ENOSF1: variants seen among roughly 807,000 people sequenced by gnomAD.
ENOSF1 encodes enolase superfamily member 1, also known as mitochondrial enolase superfamily member 1.
Under a neutral mutation model 68.2 loss-of-function variants are expected in ENOSF1, and 73 were observed. The observed-to-expected ratio is 1.07, with a 90% CI of 0.89 to 1.30. The LOEUF is 1.30. Ranked by LOEUF, ENOSF1 falls within the 50% of genes most tolerant of loss-of-function variation. The pLI is 0.00. For synonymous variants in ENOSF1, 223 were observed against 210.4 expected, an observed-to-expected ratio of 1.06 and a Z score of -0.52; for missense variants, 589 against 554.5, an observed-to-expected ratio of 1.06 and a Z score of -0.62.
chr18:665,898 G>A (rs1258361680), downstream of ENOSF1, among the ~76,000 whole-genome samples: 1 of 97,894 alleles, frequency 1.0e-5, no homozygotes, highest in Admixed American at 8.6e-5. Context: ...TATAATTTCT[G>A]TTCTTTTACA....
intron 7 of ENOSF1, 35 bp downstream of exon 7, chr18:691,033 G>A (rs2077103212): frequency 6.2e-7 from 1 of 1,611,834 alleles, no homozygotes; most frequent in East Asian, 2.2e-5. Flanking sequence ...GACAATGTTA[G>A]CAAAAACAAT....
intron 12 of ENOSF1, 92 bp from the exon 13 acceptor site, chr18:677,964 A>T: frequency 6.9e-7 from 1 of 1,440,396 alleles, no homozygotes; most frequent in Non-Finnish European, 9.3e-7. Context: ...CTATGCCAAT[A>T]ATTATTCATC....
downstream of ENOSF1, among the ~76,000 whole-genome samples, chr18:667,251 T>A (rs207950): frequency 5.7e-4 from 12 of 20,998 alleles, no homozygotes; most frequent in African/African-American, 7.4e-4. Context: ...ATGGTGATGG[T>A]GATGGTGATG....
intron 1 of ENOSF1, among the ~76,000 whole-genome samples, chr18:708,795 G>C (rs1257131594): frequency 1.3e-5 from 2 of 152,158 alleles, no homozygotes; most frequent in Non-Finnish European, 2.9e-5. Flanking sequence ...GGTCAGAAGA[G>C]GGAGAGACTG....
chr18:688,748 A>G, intron 8 of ENOSF1, 140 bp from the exon 9 acceptor site: 1 of 709,298 alleles, frequency 1.4e-6, no homozygotes, highest in Non-Finnish European at 2.4e-6. Context: ...TGAAATTAAC[A>G]GCAGAAACAG....
intron 1 of ENOSF1, among the ~76,000 whole-genome samples, chr18:708,912 C>G (rs1025722532): frequency 6.6e-6 from 1 of 152,138 alleles, no homozygotes; most frequent in Non-Finnish European, 1.5e-5. Flanking sequence ...AAAGACCCAT[C>G]GGCAGTTTCT....
intron 1 of ENOSF1, among the ~76,000 whole-genome samples, chr18:709,821 T>C (rs1252001035): frequency 2.0e-5 from 3 of 152,236 alleles, no homozygotes; most frequent in East Asian, 1.9e-4. Context: ...TTTATTGCTC[T>C]TTCTTGAAAA....
At chr18:684,903 C>CAT (rs989341662) in intron 10 of ENOSF1, among the ~76,000 whole-genome samples, 6 of 152,004 alleles carry the variant, frequency 3.9e-5, no homozygotes, top group Non-Finnish European at 8.8e-5. Context: ...CTCTGTTGCC[C>CAT]ATGCTGGAGT....
chr18:674,436 TAAC>T (rs779562662), intron 15 of ENOSF1, 30 bp from the exon 16 acceptor site: 19 of 1,444,212 alleles, frequency 1.3e-5, no homozygotes, highest in South Asian at 4.8e-5. Flanking sequence ...TGAGTCCTGT[TAAC>T]AACCACCTGG....
rs1048937895 is a variant in ENOSF1 at position 688,567 on chromosome 18, C to A, written c.653+7G>T. The A allele has an allele frequency of 2.5e-6, 4 of 1,614,092 alleles. No individual in the cohort carries two copies. The African/African-American group carries it at 5.3e-5, about 22-fold the overall frequency. On this transcript the variant is annotated splice_region_variant and intron_variant, in intron 9 of 15. Coordinates refer to ENST00000647584, the MANE Select transcript of ENOSF1 (RefSeq NM_017512.7). ...ACTGGGAAAGTCAGGTCCATCATCA[C>A]ACTCACCTGGTCCAGCCATCCTTCA... is the stretch of plus-strand genomic sequence containing the variant.
intron 10 of ENOSF1, among the ~76,000 whole-genome samples, chr18:683,732 G>A (rs547231640): frequency 8.2e-4 from 125 of 152,166 alleles, no homozygotes; most frequent in African/African-American, 2.8e-3. Context: ...TGCAGTGTTG[G>A]TTCTGTTCGT....
intron 3 of ENOSF1, among the ~76,000 whole-genome samples, chr18:695,407 C>T (rs767916675): frequency 6.6e-5 from 10 of 152,020 alleles, no homozygotes; most frequent in Non-Finnish European, 8.8e-5. Context: ...GTGAAGTTAC[C>T]ATTTCATTTT....
downstream of ENOSF1, among the ~76,000 whole-genome samples, chr18:667,185 T>A (rs207949): frequency 2.3e-3 from 143 of 62,550 alleles, 2 homozygotes; most frequent in Non-Finnish European, 2.9e-3. Context: ...ATGGTGATGG[T>A]GATGGAGATG....
intron 1 of ENOSF1, among the ~76,000 whole-genome samples, chr18:709,485 A>C (rs1402569564): frequency 6.6e-6 from 1 of 152,168 alleles, no homozygotes; most frequent in Non-Finnish European, 1.5e-5. Flanking sequence ...ATTAAGAAGG[A>C]GGTAAGCCCG....
At chr18:696,204 C>CTCT (rs774712564) in intron 3 of ENOSF1, among the ~76,000 whole-genome samples, 3 of 118,706 alleles carry the variant, frequency 2.5e-5, no homozygotes, top group African/African-American at 6.7e-5. Context: ...ACATCTCTCT[C>CTCT]TTTTTTTTTT....
rs976225737 is a variant in ENOSF1 at position 683,031 on chromosome 18, A to C, written c.876+215T>G. 37 of 552,340 alleles carry C rather than the reference A, an allele frequency of 6.7e-5. No homozygotes were observed. The Admixed American group carries it at 9.8e-4, about 15-fold the overall frequency. The allele number at this position is 552,340 out of a possible 1,614,324, so 34.2% of individuals were successfully genotyped here. On this transcript the variant is annotated intron_variant, in intron 11 of 15. Coordinates refer to ENST00000647584, the MANE Select transcript of ENOSF1 (RefSeq NM_017512.7). ...CAACTTTTAGCAGCTTACTTTATCT[A>C]AAACAAACAGAAATAAGGGCAAAGT...
At position 691,108 on chromosome 18, in the gene ENOSF1, T is replaced by C. The variant is rs967566223; in HGVS notation, c.497-2A>G. ...CAATTTGACCTTTCTGCAGTATTTC[T>C]GGAAGAAATAAAAAGCATCACTCAC... On this transcript the variant is annotated splice_acceptor_variant, in intron 6 of 15. Coordinates refer to ENST00000647584, the MANE Select transcript of ENOSF1 (RefSeq NM_017512.7). LOFTEE classifies it high-confidence loss of function. 1.9e-6 allele frequency: 3 copies of C among 1,614,086 alleles called. No individual in the cohort carries two copies. The highest frequency in any genetic ancestry group is 2.2e-5 in the East Asian group (1 of 44,902).
At chr18:700,512 C>T (rs2078221668) in intron 2 of ENOSF1, among the ~76,000 whole-genome samples, 1 of 152,188 alleles carries the variant, frequency 6.6e-6, no homozygotes, top group Non-Finnish European at 1.5e-5. Flanking sequence ...AGTGCACAAG[C>T]AGCACTTATG....
intron 2 of ENOSF1, among the ~76,000 whole-genome samples, chr18:702,148 C>CA (rs2044366550): frequency 6.6e-6 from 1 of 151,392 alleles, no homozygotes; most frequent in South Asian, 2.1e-4. Flanking sequence ...CCTATAGTCC[C>CA]AGCTACCTGG....
Sources: allele counts gnomAD v4.1 joint callset (sites outside exome capture counted in the v4.1 genomes callset), GRCh38; gene constraint gnomAD v4.1.1; transcripts MANE v1.5; gene names NCBI Gene and HGNC (gene_info 2026-07-23, HGNC 2026-07-21).